Variants in HMCN1 observed in about 807,000 individuals in gnomAD.
HMCN1 encodes hemicentin 1, also known as hemicentin-1.
HMCN1 carries 321 observed loss-of-function variants against 625.9 expected under a neutral mutation model. The observed-to-expected ratio is 0.51, with a 90% CI of 0.47 to 0.56. The LOEUF is 0.56. Ranked by LOEUF, HMCN1 falls within the 20% of genes least tolerant of loss-of-function variation. The probability of loss-of-function intolerance (pLI) is 0.00; values close to 1 mark genes in which losing one functional copy is unlikely to be tolerated. For missense variants in HMCN1, 6,588 were observed against 6,887.3 expected (o/e 0.96, Z 1.54); for synonymous variants, 2,425 against 2,417.6 (o/e 1.00, Z -0.09).
At chr1:186,132,249 AACT>A in intron 85 of HMCN1, 76 bp from the exon 86 acceptor site, 1 of 964,290 alleles carries the variant, frequency 1.0e-6, no homozygotes, top group Non-Finnish European at 1.7e-6. Context: ...ATTTCAAATA[AACT>A]AGCATCATGG....
intron 1 of HMCN1, among the ~76,000 whole-genome samples, chr1:185,759,718 T>A (rs79175862): frequency 0.031 from 4,640 of 152,062 alleles, 248 homozygotes; most frequent in African/African-American, 0.11. Flanking sequence ...CTTTTTTTTT[T>A]AATGAACTGA....
At position 185,804,049 on chromosome 1, in the gene HMCN1, T is replaced by A. The variant is rs184796289; in HGVS notation, c.269-41977T>A. Among the ~76,000 whole-genome samples the A allele has an allele frequency of 6.7e-3, 1,019 of 152,184 alleles. 11 individuals are homozygous for A. The highest frequency in any genetic ancestry group is 0.023 in the African/African-American group (966 of 41,568). On this transcript the variant is annotated intron_variant, in intron 1 of 106. Coordinates refer to ENST00000271588, the MANE Select transcript of HMCN1 (RefSeq NM_031935.3). ...TTGGTACAGAAAAGAGACATTTTTT[T>A]AAATTCATCTCTTTTCATACCTTCT...
intron 1 of HMCN1, among the ~76,000 whole-genome samples, chr1:185,838,564 G>C (rs557227674): frequency 6.6e-6 from 1 of 152,302 alleles, no homozygotes; most frequent in East Asian, 1.9e-4. Context: ...GCAGGTAGCA[G>C]AGAATCTTGT....
At chr1:186,150,536 T>C (rs775910284) in intron 93 of HMCN1, among the ~76,000 whole-genome samples, 3 of 152,190 alleles carry the variant, frequency 2.0e-5, no homozygotes, top group Admixed American at 2.0e-4. Context: ...ATTTGTAATA[T>C]GAAGAACTTG....
intron 97 of HMCN1, among the ~76,000 whole-genome samples, chr1:186,158,791 C>G (rs539524662): frequency 6.6e-6 from 1 of 152,186 alleles, no homozygotes; most frequent in East Asian, 1.9e-4. Flanking sequence ...TTCCATTGAT[C>G]TATATCTCTG....
At chr1:185,859,593 CAT>C (rs1189829221) in intron 2 of HMCN1, among the ~76,000 whole-genome samples, 1 of 152,122 alleles carries the variant, frequency 6.6e-6, no homozygotes, top group African/African-American at 2.4e-5. Flanking sequence ...TTAATAGCCA[CAT>C]GAGGCCAGGT....
intron 4 of HMCN1, among the ~76,000 whole-genome samples, chr1:185,871,849 CT>C (rs1663640958): frequency 6.6e-6 from 1 of 152,164 alleles, no homozygotes; most frequent in Admixed American, 6.5e-5. Flanking sequence ...CATGAGCTTT[CT>C]GCATATGGGC....
At chr1:186,088,897 T>A in intron 63 of HMCN1, 142 bp downstream of exon 63, 1 of 830,076 alleles carries the variant, frequency 1.2e-6, no homozygotes, top group Non-Finnish European at 1.9e-6. Context: ...TTTTCTGTCT[T>A]ATATTTACCA....
intron 71 of HMCN1, among the ~76,000 whole-genome samples, chr1:186,109,514 G>A (rs1660780431): frequency 1.3e-5 from 2 of 152,158 alleles, no homozygotes; most frequent in South Asian, 4.1e-4. Context: ...GAGAAGACAG[G>A]TTAGTCAAAG....
At chr1:185,978,417 A>G (rs1651378852) in intron 16 of HMCN1, among the ~76,000 whole-genome samples, 3 of 152,286 alleles carry the variant, frequency 2.0e-5, no homozygotes, top group Middle Eastern at 3.4e-3. Flanking sequence ...TAAAAGCTGT[A>G]TCCACCTGAA....
intron 34 of HMCN1, 135 bp downstream of exon 34, chr1:186,018,487 A>G: frequency 1.1e-6 from 1 of 909,262 alleles, no homozygotes; most frequent in Non-Finnish European, 1.8e-6. Context: ...TGTGAATTTC[A>G]GTTGTATGCC....
chr1:185,957,530 A>G (rs1649712735), intron 11 of HMCN1, among the ~76,000 whole-genome samples: 1 of 152,152 alleles, frequency 6.6e-6, no homozygotes, highest in Non-Finnish European at 1.5e-5. Context: ...TGATTCCACT[A>G]GTTGTTCCCT....
chr1:186,134,781 C>A (rs1378724808), intron 86 of HMCN1, among the ~76,000 whole-genome samples: 1 of 152,192 alleles, frequency 6.6e-6, no homozygotes, highest in Non-Finnish European at 1.5e-5. Context: ...TTACCTCTCA[C>A]TGAACAAATC....
Position 186,151,364 on chromosome 1 carries a change from C to A in HMCN1, c.14758+15C>A. 1 of 1,610,618 alleles carries A rather than the reference C, an allele frequency of 6.2e-7. No homozygotes were observed. Among genetic ancestry groups the A allele is most frequent in the Non-Finnish European group, 8.5e-7 (1 of 1,177,430 alleles). ...TCGTAGTCTTGGTAAGTCTTTGCCTCAAGCCTCTTTTTAAAAACTTATATA... is the reference window on the plus strand; with the variant it reads ...TCGTAGTCTTGGTAAGTCTTTGCCTAAAGCCTCTTTTTAAAAACTTATATA... On this transcript the variant is annotated intron_variant, in intron 94 of 106. Transcript: ENST00000271588.
chr1:186,039,976 G>A, intron 39 of HMCN1, 97 bp downstream of exon 39: 1 of 1,198,288 alleles, frequency 8.3e-7, no homozygotes, highest in South Asian at 1.2e-5. Flanking sequence ...AGAGAACAAG[G>A]ATTAACAGAT....
intron 32 of HMCN1, among the ~76,000 whole-genome samples, chr1:186,016,452 A>G (rs1258021753): frequency 6.6e-6 from 1 of 152,086 alleles, no homozygotes; most frequent in African/African-American, 2.4e-5. Context: ...TTTGATAAGT[A>G]TACTTGATAT....
At chr1:185,898,529 A>G (rs1665622020) in intron 4 of HMCN1, among the ~76,000 whole-genome samples, 1 of 152,058 alleles carries the variant, frequency 6.6e-6, no homozygotes, top group African/African-American at 2.4e-5. Flanking sequence ...ATCAAGGGAG[A>G]TGGGTCCTAG....
At chr1:186,121,238 A>G (rs2146098) in intron 80 of HMCN1, among the ~76,000 whole-genome samples, 74,371 of 151,976 alleles carry the variant, frequency 0.49, 19,983 homozygotes, top group African/African-American at 0.7. Flanking sequence ...CATGGATGGC[A>G]TGATGTACCC....
chr1:185,913,899 G>A (rs1028721593), intron 6 of HMCN1, among the ~76,000 whole-genome samples: 13 of 152,142 alleles, frequency 8.5e-5, no homozygotes, highest in Non-Finnish European at 1.9e-4. Context: ...TTAGTTCTAT[G>A]AGTGAGCAGA....
Sources: gnomAD v4.1 joint callset for allele counts (sites outside exome capture counted in the v4.1 genomes callset) on GRCh38, gnomAD v4.1.1 for gene constraint, MANE v1.5 for transcripts, NCBI Gene and HGNC (gene_info 2026-07-23, HGNC 2026-07-21) for gene names.